Variants in EXTL3 observed in about 807,000 individuals in gnomAD.
EXTL3 encodes the protein exostosin like glycosyltransferase 3.
EXTL3 carries 27 observed loss-of-function variants against 69.3 expected under a neutral mutation model. The ratio of observed to expected loss-of-function variants is 0.39; its 90% CI spans 0.29 to 0.54. The LOEUF (loss-of-function observed/expected upper bound fraction) is 0.54. EXTL3 is among the 20% of genes least tolerant of loss of function. The pLI is 0.69. For synonymous variants in EXTL3, 511 were observed against 499.4 expected (o/e 1.02, Z -0.31); for missense variants, 1,003 against 1,231.8 (o/e 0.81, Z 2.78).
chr8:28,642,282 A>T (rs1311296680), intron 1 of EXTL3, among the ~76,000 whole-genome samples: 4 of 151,044 alleles, frequency 2.6e-5, no homozygotes, highest in East Asian at 2.0e-4. Flanking sequence ...CATCTCTATT[A>T]AAAAAAATAC....
At chr8:28,689,192 T>C (rs1343275380) in intron 1 of EXTL3, among the ~76,000 whole-genome samples, 1 of 152,222 alleles carries the variant, frequency 6.6e-6, no homozygotes, top group African/African-American at 2.4e-5. Flanking sequence ...CTCCCCCAAA[T>C]CACTCACATA....
intron 1 of EXTL3, among the ~76,000 whole-genome samples, chr8:28,687,232 A>G (rs1807591886): frequency 6.6e-6 from 1 of 152,206 alleles, no homozygotes. Flanking sequence ...TTGGGAGGCC[A>G]AGGTGGATGG....
intron 1 of EXTL3, among the ~76,000 whole-genome samples, chr8:28,652,507 A>G (rs886911972): frequency 1.3e-5 from 2 of 151,866 alleles, no homozygotes; most frequent in African/African-American, 4.8e-5. Context: ...AAAAAAAATT[A>G]TCTGGCTGTG....
intron 1 of EXTL3, among the ~76,000 whole-genome samples, chr8:28,644,099 AT>A (rs370439150): frequency 3.4e-4 from 50 of 146,312 alleles, no homozygotes; most frequent in African/African-American, 7.3e-4. Flanking sequence ...TTACAGTTTG[AT>A]TTTTTTTTTT....
intron 1 of EXTL3, among the ~76,000 whole-genome samples, chr8:28,679,608 C>T (rs1186750035): frequency 6.6e-6 from 1 of 151,900 alleles, no homozygotes; most frequent in Non-Finnish European, 1.5e-5. Context: ...TCGTGAGGCA[C>T]TCATGTAGTC....
intron 1 of EXTL3, among the ~76,000 whole-genome samples, chr8:28,629,596 G>A (rs897198503): frequency 5.3e-5 from 8 of 152,046 alleles, no homozygotes; most frequent in Admixed American, 2.6e-4. Flanking sequence ...GGGGCCCCTC[G>A]GGAATAGGTA....
At chr8:28,713,637 G>A (rs1038320224) in intron 2 of EXTL3, 87 bp downstream of exon 2, 10 of 680,740 alleles carry the variant, frequency 1.5e-5, no homozygotes, top group Admixed American at 2.2e-5. Flanking sequence ...TTACAATTTG[G>A]TCATAAGTGC....
chr8:28,641,827 A>G (rs574170419), intron 1 of EXTL3, among the ~76,000 whole-genome samples: 2 of 150,868 alleles, frequency 1.3e-5, no homozygotes, highest in Admixed American at 6.6e-5. Flanking sequence ...AATTTGATTT[A>G]ATTTAATTTA....
intron 1 of EXTL3, among the ~76,000 whole-genome samples, chr8:28,670,931 C>A (rs1807275772): frequency 6.6e-6 from 1 of 151,612 alleles, no homozygotes; most frequent in South Asian, 2.1e-4. Flanking sequence ...AGAATGAGAG[C>A]AAATCTTTAC....
chr8:28,644,084 C>A (rs996307515), intron 1 of EXTL3, among the ~76,000 whole-genome samples: 2 of 151,864 alleles, frequency 1.3e-5, no homozygotes, highest in South Asian at 2.1e-4. Context: ...GTTTTTAAAA[C>A]ATTTTTACAG....
At chr8:28,728,548 G>A (rs888070868) in intron 3 of EXTL3, among the ~76,000 whole-genome samples, 1 of 152,148 alleles carries the variant, frequency 6.6e-6, no homozygotes, top group Non-Finnish European at 1.5e-5. Context: ...TCTTTGTCTT[G>A]AGTTGGGCAG....
intron 1 of EXTL3, among the ~76,000 whole-genome samples, chr8:28,658,851 G>A (rs1244575446): frequency 2.0e-5 from 3 of 152,120 alleles, no homozygotes; most frequent in Non-Finnish European, 4.4e-5. Flanking sequence ...AAAGTGCTGG[G>A]ATTATAGGCA....
chr8:28,683,689 A>G (rs563899634), intron 1 of EXTL3, among the ~76,000 whole-genome samples: 1 of 152,220 alleles, frequency 6.6e-6, no homozygotes, highest in East Asian at 1.9e-4. Flanking sequence ...ACGCGCCTGT[A>G]GTCCCAGCTA....
chr8:28,723,512 G>A (rs1801342085), intron 3 of EXTL3, among the ~76,000 whole-genome samples: 1 of 152,122 alleles, frequency 6.6e-6, no homozygotes, highest in African/African-American at 2.4e-5. Flanking sequence ...TTGAGGTAAT[G>A]TCTTCCCCTC....
At chr8:28,726,717 G>T (rs1723620890) in intron 3 of EXTL3, among the ~76,000 whole-genome samples, 1 of 151,838 alleles carries the variant, frequency 6.6e-6, no homozygotes, top group African/African-American at 2.4e-5. Flanking sequence ...AATCCCTTCA[G>T]ACATTGCCAC....
At chr8:28,719,663 T>A (rs930698541) in intron 3 of EXTL3, among the ~76,000 whole-genome samples, 1 of 152,218 alleles carries the variant, frequency 6.6e-6, no homozygotes, top group African/African-American at 2.4e-5. Flanking sequence ...GGAATTTTTT[T>A]AATAGACTTC....
chr8:28,745,056 G>C (rs188769984), intron 6 of EXTL3, among the ~76,000 whole-genome samples: 2 of 152,260 alleles, frequency 1.3e-5, no homozygotes, highest in East Asian at 3.9e-4. Flanking sequence ...TAGAAGCTGG[G>C]TGTAGTGGCA....
Position 28,717,896 on chromosome 8 carries a change from CT to C in EXTL3, c.1841del (p.Phe614SerfsTer53). 1 of 1,614,178 alleles carries C rather than the reference CT, an allele frequency of 6.2e-7. No individual in the cohort carries two copies. The highest frequency in any genetic ancestry group is 8.5e-7 in the Non-Finnish European group (1 of 1,179,984). On this transcript the variant is annotated frameshift_variant, in exon 3 of 7. Coordinates refer to ENST00000220562, the MANE Select transcript of EXTL3 (RefSeq NM_001440.4). LOFTEE classifies it high-confidence loss of function. This position sits in a 1 kb window ranked among gnomAD's most constrained non-coding sequence, Gnocchi z 8.3. ...SWNCAPGPFH[L>X]FPHTPFDPVL... is the part of the protein sequence containing the mutation. ...GAACTGTGCTCCAGGGCCTTTCCAT[CT>C]TTTCCCCCACACTCCCTTTGACCCT...
intron 6 of EXTL3, among the ~76,000 whole-genome samples, chr8:28,744,678 C>A (rs576030504): frequency 6.6e-6 from 1 of 152,190 alleles, no homozygotes; most frequent in Non-Finnish European, 1.5e-5. Flanking sequence ...CCTGTAGTCT[C>A]AGCTACTCAG....
Sources: gnomAD v4.1 joint callset for allele counts (sites outside exome capture counted in the v4.1 genomes callset) on GRCh38, gnomAD v4.1.1 for gene constraint, Gnocchi (gnomAD v3.1) non-coding constraint, MANE v1.5 for transcripts, NCBI Gene and HGNC (gene_info 2026-07-23, HGNC 2026-07-21) for gene names.